OPCML: variants seen among roughly 807,000 people sequenced by gnomAD.
The protein encoded by OPCML is opioid-binding protein/cell adhesion molecule.
OPCML carries 13 observed loss-of-function variants against 37.8 expected under a neutral mutation model. The ratio of observed to expected loss-of-function variants is 0.34; its 90% CI spans 0.22 to 0.55. The LOEUF is 0.55. Among genes scored for constraint, OPCML ranks in the 20% least tolerant of loss-of-function variants. OPCML has a pLI of 0.91. For missense variants in OPCML, 341 were observed against 435.6 expected, an observed-to-expected ratio of 0.78 and a Z score of 1.93; for synonymous variants, 176 against 168.8, an observed-to-expected ratio of 1.04 and a Z score of -0.33.
chr11:133,237,642 A>G (rs1179287294), intron 1 of OPCML, among the ~76,000 whole-genome samples: 1 of 152,244 alleles, frequency 6.6e-6, no homozygotes, highest in African/African-American at 2.4e-5. Context: ...CAAAGAGGTA[A>G]TTGAAGGGAT....
chr11:133,424,442 A>C (rs529201704), intron 1 of OPCML, among the ~76,000 whole-genome samples: 1 of 152,340 alleles, frequency 6.6e-6, no homozygotes, highest in South Asian at 2.1e-4. Context: ...AAATTTTGCA[A>C]TATTTTCATT....
At chr11:133,377,233 C>T (rs1180551053) in intron 1 of OPCML, among the ~76,000 whole-genome samples, 3 of 152,004 alleles carry the variant, frequency 2.0e-5, no homozygotes, top group Admixed American at 6.6e-5. Flanking sequence ...GTTGCTATTG[C>T]GGCAGCCATT....
At chr11:132,744,344 GT>G (rs2136047543) in intron 2 of OPCML, among the ~76,000 whole-genome samples, 1 of 152,184 alleles carries the variant, frequency 6.6e-6, no homozygotes, top group East Asian at 1.9e-4. Context: ...CATTACTTTT[GT>G]TTTGAAACTT....
intron 2 of OPCML, among the ~76,000 whole-genome samples, chr11:132,759,619 T>C (rs1946189212): frequency 1.3e-5 from 2 of 152,184 alleles, no homozygotes; most frequent in African/African-American, 4.8e-5. Context: ...TGATGGTAGT[T>C]TGTGTTTCTT....
intron 3 of OPCML, among the ~76,000 whole-genome samples, chr11:132,650,128 G>T (rs1182668214): frequency 1.3e-5 from 2 of 152,092 alleles, no homozygotes; most frequent in Non-Finnish European, 2.9e-5. Flanking sequence ...GGAAGCAAAT[G>T]GTATCTTTCT....
chr11:132,699,291 T>C (rs1565785819), intron 2 of OPCML, among the ~76,000 whole-genome samples: 1 of 152,144 alleles, frequency 6.6e-6, no homozygotes, highest in African/African-American at 2.4e-5. Context: ...TTATGTCATC[T>C]GCAAACGGAG....
chr11:132,666,525 C>T (rs1055169408), intron 2 of OPCML, among the ~76,000 whole-genome samples: 3 of 152,214 alleles, frequency 2.0e-5, no homozygotes, highest in African/African-American at 4.8e-5. Flanking sequence ...CACACATCCA[C>T]ACCATATCAG....
intron 1 of OPCML, among the ~76,000 whole-genome samples, chr11:133,347,935 A>G (rs529208869): frequency 2.4e-4 from 37 of 152,354 alleles, no homozygotes; most frequent in African/African-American, 8.2e-4. Flanking sequence ...ATACTGAACA[A>G]TAGTGTGGAG....
intron 1 of OPCML, among the ~76,000 whole-genome samples, chr11:133,152,576 C>CG (rs529666130): frequency 6.6e-5 from 10 of 152,044 alleles, no homozygotes; most frequent in South Asian, 2.1e-4. Flanking sequence ...CTGATCCCCC[C>CG]CCAACCTCCA....
intron 4 of OPCML, among the ~76,000 whole-genome samples, chr11:132,476,085 A>C (rs760024261): frequency 5.9e-5 from 9 of 152,244 alleles, no homozygotes; most frequent in Non-Finnish European, 7.3e-5. Context: ...ATACATATAC[A>C]CACTCTCATG....
chr11:133,370,662 A>C (rs1211310488), intron 1 of OPCML, among the ~76,000 whole-genome samples: 1 of 152,152 alleles, frequency 6.6e-6, no homozygotes, highest in African/African-American at 2.4e-5. Context: ...CCATGGAAAA[A>C]ATCAACTCAA....
At chr11:132,881,448 G>A (rs1322852027) in intron 2 of OPCML, among the ~76,000 whole-genome samples, 1 of 152,178 alleles carries the variant, frequency 6.6e-6, no homozygotes, top group African/African-American at 2.4e-5. Context: ...CTGAGGAGCT[G>A]TGAGGCTGGC....
intron 1 of OPCML, among the ~76,000 whole-genome samples, chr11:133,433,489 A>C (rs1253303275): frequency 6.6e-6 from 1 of 152,136 alleles, no homozygotes; most frequent in Non-Finnish European, 1.5e-5. Context: ...TACATGTTTT[A>C]CAAAATTGTG....
rs995905127 is a variant in OPCML at position 132,963,211 on chromosome 11, AT to A, written c.62-20202del. Reference sequence around the variant, plus strand: ...ATGTGTGTTAACGCTAACATCTCCCATGTGCAATTCCCAACTCATGGCCCTC... The same window carrying A: ...ATGTGTGTTAACGCTAACATCTCCCAGTGCAATTCCCAACTCATGGCCCTC... On this transcript the variant is annotated intron_variant, in intron 1 of 7. Coordinates refer to ENST00000524381, the MANE Select transcript of OPCML (RefSeq NM_001012393.5). 2.6e-3 allele frequency among the ~76,000 whole-genome samples: 397 copies of A among 152,046 alleles called. 6 individuals carry two copies. The highest frequency in any genetic ancestry group is 3.8e-4 in the Non-Finnish European group (26 of 67,994).
At chr11:133,323,309 GT>G (rs1477683319) in intron 1 of OPCML, among the ~76,000 whole-genome samples, 1 of 152,190 alleles carries the variant, frequency 6.6e-6, no homozygotes, top group Non-Finnish European at 1.5e-5. Flanking sequence ...GCCCACTTGT[GT>G]TCTGTTCAAT....
chr11:132,533,216 T>A (rs1315309006), intron 3 of OPCML, among the ~76,000 whole-genome samples: 1 of 152,208 alleles, frequency 6.6e-6, no homozygotes, highest in African/African-American at 2.4e-5. Flanking sequence ...TATCTGCTTA[T>A]CTTTCACTGA....
chr11:133,161,003 C>T (rs990029194), intron 1 of OPCML, among the ~76,000 whole-genome samples: 1 of 152,218 alleles, frequency 6.6e-6, no homozygotes, highest in Non-Finnish European at 1.5e-5. Flanking sequence ...GGATGGAAAT[C>T]AGGCAGCAGG....
intron 3 of OPCML, among the ~76,000 whole-genome samples, chr11:132,633,933 T>C (rs1224932597): frequency 6.6e-6 from 1 of 152,162 alleles, no homozygotes; most frequent in African/African-American, 2.4e-5. Context: ...AGGGCTACAG[T>C]GAGAGCCTCA....
chr11:132,797,691 ATACTT>A (rs1435066169), intron 2 of OPCML, among the ~76,000 whole-genome samples: 1 of 152,236 alleles, frequency 6.6e-6, no homozygotes, highest in Admixed American at 6.5e-5. Flanking sequence ...TAATTTAAAA[ATACTT>A]TATTGATCTC....
Sources: allele counts gnomAD v4.1 joint callset (sites outside exome capture counted in the v4.1 genomes callset), GRCh38; gene constraint gnomAD v4.1.1; transcripts MANE v1.5; gene names NCBI Gene and HGNC (gene_info 2026-07-23, HGNC 2026-07-21).